The following HECW1 variants were observed in gnomAD, a reference collection of about 807,000 sequenced individuals.
HECW1 encodes HECT, C2 and WW domain containing E3 ubiquitin protein ligase 1.
A neutral mutation model predicts 182.3 loss-of-function variants in HECW1; 61 were observed. The observed-to-expected ratio is 0.33, with a 90% CI of 0.27 to 0.41. HECW1 has a LOEUF of 0.41. Ranked by LOEUF, HECW1 falls within the 10% of genes least tolerant of loss-of-function variation. The pLI is 1.00. For missense variants in HECW1, 1,739 were observed against 2,108.9 expected, an observed-to-expected ratio of 0.82 and a Z score of 3.44; for synonymous variants, 859 against 832.6, an observed-to-expected ratio of 1.03 and a Z score of -0.55.
At chr7:43,234,012 A>G (rs990939371) in intron 2 of HECW1, among the ~76,000 whole-genome samples, 1 of 152,248 alleles carries the variant, frequency 6.6e-6, no homozygotes, top group Non-Finnish European at 1.5e-5. Context: ...CGAGATGAGC[A>G]GGTGAGGAGC....
chr7:43,291,628 T>TA (rs1214100191), intron 3 of HECW1, among the ~76,000 whole-genome samples: 3 of 152,036 alleles, frequency 2.0e-5, no homozygotes, highest in South Asian at 2.1e-4. Flanking sequence ...TTCTAACACT[T>TA]ACGATTTATT....
intron 5 of HECW1, among the ~76,000 whole-genome samples, chr7:43,335,379 A>G (rs567646350): frequency 6.6e-6 from 1 of 152,336 alleles, no homozygotes; most frequent in South Asian, 2.1e-4. Context: ...GCTGCTATAG[A>G]CTAATGTTTG....
chr7:43,534,163 T>G (rs367790007), intron 24 of HECW1, among the ~76,000 whole-genome samples: 2 of 152,282 alleles, frequency 1.3e-5, no homozygotes, highest in African/African-American at 4.8e-5. Context: ...GCTTTTAAAG[T>G]CTTTTCTTTC....
intron 20 of HECW1, 78 bp downstream of exon 20, chr7:43,500,860 G>C: frequency 7.4e-6 from 9 of 1,217,382 alleles, no homozygotes; most frequent in Non-Finnish European, 1.1e-5. Flanking sequence ...CCTGAAAATG[G>C]CCTAGACTGA....
chr7:43,377,385 C>T (rs565484076), intron 6 of HECW1, among the ~76,000 whole-genome samples: 4 of 152,196 alleles, frequency 2.6e-5, no homozygotes, highest in East Asian at 3.9e-4. Flanking sequence ...CCTCAAAATG[C>T]GCTTACTCAA....
intron 7 of HECW1, among the ~76,000 whole-genome samples, chr7:43,403,054 G>C (rs1033538508): frequency 4.6e-5 from 7 of 152,178 alleles, no homozygotes; most frequent in Non-Finnish European, 8.8e-5. Context: ...TATTCAAAAT[G>C]TTCTAAAAGG....
chr7:43,455,207 A>T (rs188239066), intron 12 of HECW1, among the ~76,000 whole-genome samples: 1 of 151,936 alleles, frequency 6.6e-6, no homozygotes, highest in East Asian at 1.9e-4. Context: ...ACAGTTTGTG[A>T]TGGTTATTTA....
At chr7:43,559,525 C>T (rs949907784) in intron 29 of HECW1, among the ~76,000 whole-genome samples, 3 of 152,164 alleles carry the variant, frequency 2.0e-5, no homozygotes, top group Non-Finnish European at 4.4e-5. Context: ...CGTTGATCCT[C>T]CCCATAACCC....
intron 8 of HECW1, among the ~76,000 whole-genome samples, chr7:43,410,708 G>T (rs955989379): frequency 6.6e-6 from 1 of 152,134 alleles, no homozygotes; most frequent in Non-Finnish European, 1.5e-5. Context: ...TAAATAAAAA[G>T]AGTCATTTAG....
chr7:43,317,267 TG>T, intron 4 of HECW1, among the ~76,000 whole-genome samples: 1 of 152,310 alleles, frequency 6.6e-6, no homozygotes. Context: ...CTACTCCGCT[TG>T]CCACTGGCTG....
chr7:43,237,905 G>A (rs1374287196), intron 2 of HECW1, among the ~76,000 whole-genome samples: 2 of 151,736 alleles, frequency 1.3e-5, no homozygotes, highest in Non-Finnish European at 1.5e-5. Flanking sequence ...ATCCATGACA[G>A]GAAAGTTAAA....
chr7:43,367,218 G>T (rs1258192476), intron 6 of HECW1, among the ~76,000 whole-genome samples: 1 of 152,104 alleles, frequency 6.6e-6, no homozygotes, highest in African/African-American at 2.4e-5. Context: ...TTTATTTTTT[G>T]ACTTGGATTT....
At chr7:43,558,731 G>A (rs925508577) in intron 29 of HECW1, among the ~76,000 whole-genome samples, 2 of 152,112 alleles carry the variant, frequency 1.3e-5, no homozygotes, top group Non-Finnish European at 2.9e-5. Context: ...GAGGCCTGAG[G>A]GTGCCATCAG....
At chr7:43,472,264 G>T (rs2078051830) in intron 16 of HECW1, among the ~76,000 whole-genome samples, 1 of 152,098 alleles carries the variant, frequency 6.6e-6, no homozygotes, top group Non-Finnish European at 1.5e-5. Context: ...ACTGAAAAAA[G>T]AAAAAACTTA....
At chr7:43,526,745 A>G (rs13239072) in intron 24 of HECW1, among the ~76,000 whole-genome samples, 29,484 of 152,184 alleles carry the variant, frequency 0.19, 3,180 homozygotes, top group Non-Finnish European at 0.25. Context: ...TCACGCCTGT[A>G]ATCCCAACAC....
At chr7:43,358,590 A>T (rs999033889) in intron 5 of HECW1, among the ~76,000 whole-genome samples, 1 of 152,230 alleles carries the variant, frequency 6.6e-6, no homozygotes, top group African/African-American at 2.4e-5. Flanking sequence ...CTTCAAAAAA[A>T]TTTAAATAGC....
intron 8 of HECW1, 70 bp downstream of exon 8, chr7:43,407,801 C>T (rs2075660654): frequency 1.5e-6 from 2 of 1,359,204 alleles, no homozygotes; most frequent in Non-Finnish European, 2.0e-6. Flanking sequence ...CAGCCCTCCT[C>T]CTTCCCTCCA....
At chr7:43,198,348 A>G (rs1312590970) in intron 2 of HECW1, among the ~76,000 whole-genome samples, 1 of 149,860 alleles carries the variant, frequency 6.7e-6, no homozygotes, top group Non-Finnish European at 1.5e-5. Flanking sequence ...TACACTCATC[A>G]TAGTCACACA....
At chr7:43,464,494 CT>C (rs557725096) in intron 14 of HECW1, among the ~76,000 whole-genome samples, 134 of 145,566 alleles carry the variant, frequency 9.2e-4, no homozygotes, top group South Asian at 8.7e-4. Context: ...CTGGCTTCCA[CT>C]TTTTTTTTTT....
Sources: allele counts gnomAD v4.1 joint callset (sites outside exome capture counted in the v4.1 genomes callset), GRCh38; gene constraint gnomAD v4.1.1; transcripts MANE v1.5; gene names NCBI Gene and HGNC (gene_info 2026-07-23, HGNC 2026-07-21).